The following ADAMTSL1 variants were observed in gnomAD, a reference collection of about 807,000 sequenced individuals.
ADAMTSL1 encodes the protein ADAMTS like 1, also known as ADAMTS-like protein 1.
A neutral mutation model predicts 201.8 loss-of-function variants in ADAMTSL1; 126 were observed. The observed-to-expected ratio is 0.62, with a 90% CI of 0.54 to 0.72. The LOEUF is 0.72. ADAMTSL1 is among the 30% of genes least tolerant of loss of function. The pLI is 0.00. For synonymous variants in ADAMTSL1, 1,121 were observed against 903.4 expected (o/e 1.24, Z -4.32); for missense variants, 2,679 against 2,277.8 (o/e 1.18, Z -3.59).
chr9:18,776,988 G>C lies in ADAMTSL1; in HGVS notation c.2759G>C (p.Ser920Thr), dbSNP rs750758934. 1.1e-5 allele frequency: 17 copies of C among 1,600,270 alleles called. No homozygotes were observed. The highest frequency in any genetic ancestry group is 1.5e-5 in the Non-Finnish European group (17 of 1,171,682). ...TWEKDGQHLISSTHVTVAPFG... is the reference protein window; with the variant it reads ...TWEKDGQHLITSTHVTVAPFG... Reference sequence around the variant, plus strand: ...GAGAAGGACGGCCAGCACCTCATCAGCTCGACGCACGTCACGGTGGCCCCC... The same window carrying C: ...GAGAAGGACGGCCAGCACCTCATCACCTCGACGCACGTCACGGTGGCCCCC... The change falls in exon 19 of 29, where the codon AGC (serine) becomes ACC (threonine). Residue 920 changes from serine to threonine, a missense_variant. Transcript: ENST00000380548.
chr9:18,304,470 T>A (rs1190681670), intron 2 of ADAMTSL1, among the ~76,000 whole-genome samples: 4 of 152,182 alleles, frequency 2.6e-5, no homozygotes, highest in African/African-American at 9.6e-5. Context: ...GGTTTTGCTA[T>A]TTTGCAAAAC....
chr9:18,667,514 T>C (rs2133067542), intron 9 of ADAMTSL1, among the ~76,000 whole-genome samples: 1 of 152,264 alleles, frequency 6.6e-6, no homozygotes, highest in South Asian at 2.1e-4. Context: ...GCAAATTCCT[T>C]ATTCCCACTA....
At chr9:18,506,287 C>T (rs372681242) in intron 2 of ADAMTSL1, among the ~76,000 whole-genome samples, 8 of 152,218 alleles carry the variant, frequency 5.3e-5, no homozygotes, top group East Asian at 3.9e-4. Flanking sequence ...TGCTGCCACA[C>T]GGTGATAATG....
intron 4 of ADAMTSL1, among the ~76,000 whole-genome samples, chr9:18,601,348 AG>A (rs769345385): frequency 3.1e-4 from 47 of 152,364 alleles, no homozygotes; most frequent in Non-Finnish European, 5.6e-4. Context: ...CTCAAAGGCC[AG>A]GCCTCAAGAA....
chr9:18,594,709 T>C lies in ADAMTSL1; in HGVS notation c.474+20443T>C, dbSNP rs568415936. 7.2e-4 allele frequency among the ~76,000 whole-genome samples: 110 copies of C among 152,336 alleles called. 3 individuals carry two copies. In the South Asian group the frequency reaches 0.017, roughly 24 times the overall value. ...TTAATTTCTCTGATAAATTTTTGAATGAACTCTCTGTCTCTTGAATTTCAC... is the reference window on the plus strand; with the variant it reads ...TTAATTTCTCTGATAAATTTTTGAACGAACTCTCTGTCTCTTGAATTTCAC... On this transcript the variant is annotated intron_variant, in intron 4 of 28. Transcript: ENST00000380548.
chr9:17,943,945 G>A (rs1827346414), intron 1 of ADAMTSL1, among the ~76,000 whole-genome samples: 1 of 151,716 alleles, frequency 6.6e-6, no homozygotes, highest in Non-Finnish European at 1.5e-5. Flanking sequence ...CGAGAGAGAG[G>A]GAATAGGGAG....
chr9:18,178,388 T>G (rs370465699), intron 2 of ADAMTSL1, among the ~76,000 whole-genome samples: 1 of 151,884 alleles, frequency 6.6e-6, no homozygotes, highest in East Asian at 1.9e-4. Context: ...ACCCATGGAG[T>G]CTCGCTGATT....
intron 4 of ADAMTSL1, among the ~76,000 whole-genome samples, chr9:18,613,277 G>A (rs1287729574): frequency 6.6e-6 from 1 of 152,180 alleles, no homozygotes; most frequent in Non-Finnish European, 1.5e-5. Context: ...GTGTAAATTA[G>A]TTCAAGCATT....
At chr9:18,740,886 T>C (rs141891521) in intron 15 of ADAMTSL1, among the ~76,000 whole-genome samples, 2 of 152,282 alleles carry the variant, frequency 1.3e-5, no homozygotes, top group East Asian at 3.9e-4. Flanking sequence ...TCTTTTTACT[T>C]CTGCCTTTGC....
chr9:18,816,631 G>A (rs563434100), intron 20 of ADAMTSL1, among the ~76,000 whole-genome samples: 17 of 150,576 alleles, frequency 1.1e-4, no homozygotes, highest in South Asian at 2.1e-4. Context: ...ACATGATGTC[G>A]AGGATTATTT....
At chr9:18,716,360 G>C (rs1832931498) in intron 14 of ADAMTSL1, among the ~76,000 whole-genome samples, 1 of 151,428 alleles carries the variant, frequency 6.6e-6, no homozygotes, top group East Asian at 1.9e-4. Flanking sequence ...CTAATATCCA[G>C]AATCTACAAT....
Position 18,475,782 on chromosome 9 carries a change from A to G in ADAMTSL1, c.63+1487A>G, listed in dbSNP as rs192808187. On this transcript the variant is annotated intron_variant, in intron 1 of 28. Transcript: ENST00000380548. ...TTTAAGTGTGTGTTATTTTCCCATT[A>G]TATTGCATCATAAAGCAAATTACCA... 1.1e-4 allele frequency among the ~76,000 whole-genome samples: 17 copies of G among 152,082 alleles called. No individual in the cohort carries two copies. In the East Asian group the frequency reaches 2.1e-3, roughly 19 times the overall value.
intron 5 of ADAMTSL1, among the ~76,000 whole-genome samples, chr9:18,624,310 G>A (rs1564097444): frequency 6.6e-6 from 1 of 152,174 alleles, no homozygotes; most frequent in African/African-American, 2.4e-5. Context: ...TCCATAAGAT[G>A]AAAAATTTCT....
intron 2 of ADAMTSL1, among the ~76,000 whole-genome samples, chr9:18,249,367 C>T (rs1285978211): frequency 1.3e-5 from 2 of 152,164 alleles, no homozygotes; most frequent in African/African-American, 4.8e-5. Context: ...AAAGTTATCA[C>T]TTCTGTCAAT....
chr9:18,458,563 G>C (rs10756964), intron 2 of ADAMTSL1, among the ~76,000 whole-genome samples: 75,001 of 151,752 alleles, frequency 0.49, 19,216 homozygotes, highest in Non-Finnish European at 0.56. Context: ...TGTCAAATTC[G>C]CAGAGTCAAT....
intron 4 of ADAMTSL1, among the ~76,000 whole-genome samples, chr9:18,576,663 G>A (rs77257988): frequency 0.016 from 2,373 of 152,088 alleles, 64 homozygotes; most frequent in African/African-American, 0.053. Context: ...GAATAATTTG[G>A]GTGGCATGTG....
chr9:18,395,165 G>A (rs530838437), intron 2 of ADAMTSL1, among the ~76,000 whole-genome samples: 3 of 152,146 alleles, frequency 2.0e-5, no homozygotes, highest in Non-Finnish European at 2.9e-5. Context: ...GTATTATGTC[G>A]GATCTCCAGC....
chr9:18,667,214 CTTT>C (rs555274457), intron 9 of ADAMTSL1, among the ~76,000 whole-genome samples: 1 of 139,622 alleles, frequency 7.2e-6, no homozygotes. Flanking sequence ...TTTAAGTGAA[CTTT>C]TTTTTTTTTT....
chr9:18,701,340 C>A (rs1394076817), intron 13 of ADAMTSL1, among the ~76,000 whole-genome samples: 1 of 151,574 alleles, frequency 6.6e-6, no homozygotes, highest in African/African-American at 2.4e-5. Flanking sequence ...CTGCCTCAGC[C>A]TCCTGAATAG....
Sources: allele counts gnomAD v4.1 joint callset (sites outside exome capture counted in the v4.1 genomes callset), GRCh38; gene constraint gnomAD v4.1.1; transcripts MANE v1.5; gene names NCBI Gene and HGNC (gene_info 2026-07-23, HGNC 2026-07-21).